The following WDR59 variants were observed in gnomAD, a reference collection of about 807,000 sequenced individuals.
WDR59 encodes WD repeat domain 59, also known as GATOR2 complex protein WDR59.
A neutral mutation model predicts 131.2 loss-of-function variants in WDR59; 100 were observed. The ratio of observed to expected loss-of-function variants is 0.76; its 90% confidence interval spans 0.65 to 0.90. The LOEUF (loss-of-function observed/expected upper bound fraction) is 0.90, where lower values mean the gene tolerates loss of function less well. Ranked by LOEUF, WDR59 falls within the 40% of genes least tolerant of loss-of-function variation. WDR59 has a pLI of 0.00. For missense variants in WDR59, 1,203 were observed against 1,262.2 expected (o/e 0.95, Z 0.71); for synonymous variants, 601 against 466.2 (o/e 1.29, Z -3.72).
chr16:74,925,132 A>G (rs1008928084), intron 8 of WDR59, among the ~76,000 whole-genome samples: 22 of 152,242 alleles, frequency 1.4e-4, no homozygotes, highest in African/African-American at 5.3e-4. Flanking sequence ...TGGCATATAC[A>G]TAAGTGGAAT....
intron 1 of WDR59, among the ~76,000 whole-genome samples, chr16:74,980,763 G>A (rs970970339): frequency 6.6e-6 from 1 of 151,530 alleles, no homozygotes; most frequent in Admixed American, 6.6e-5. Context: ...CTTCAGGTAA[G>A]GAGTTCAAGA....
chr16:74,923,040 A>C (rs2030404417), intron 9 of WDR59, among the ~76,000 whole-genome samples: 1 of 152,076 alleles, frequency 6.6e-6, no homozygotes, highest in African/African-American at 2.4e-5. Context: ...CAGCCTACCC[A>C]CTCTATTTGT....
At chr16:74,883,019 G>C (rs1380548973) in intron 25 of WDR59, among the ~76,000 whole-genome samples, 2 of 130,676 alleles carry the variant, frequency 1.5e-5, no homozygotes, top group African/African-American at 2.9e-5. Flanking sequence ...TTTGTTTTTT[G>C]CTTTTTTTTT....
chr16:74,878,790 G>C (rs1245923223), intron 25 of WDR59, among the ~76,000 whole-genome samples: 1 of 152,238 alleles, frequency 6.6e-6, no homozygotes, highest in Non-Finnish European at 1.5e-5. Flanking sequence ...AAATATTTTA[G>C]TGTTGGGGAA....
rs1964018925 is a variant in WDR59 at position 74,871,975 on chromosome 16, G to A, written c.*2234C>T. The A allele has an allele frequency of 6.6e-6, 1 of 152,208 alleles. No individual in the cohort carries two copies. The highest frequency in any genetic ancestry group is 6.5e-5 in the Admixed American group (1 of 15,278). 9.4% of individuals were successfully genotyped at this position (152,208 alleles called of 1,614,324 possible). A position where few individuals can be genotyped will look rare whatever the true frequency, so the allele number is the denominator to read the frequency against. On this transcript the variant is annotated 3_prime_UTR_variant, in exon 26 of 26. Transcript: ENST00000262144. ...TTTTGTGCCCAGTAACACAGGGGAC[G>A]AGGTATAAGCTTCATCCAAAACAGT... is the stretch of plus-strand genomic sequence containing the variant.
intron 2 of WDR59, among the ~76,000 whole-genome samples, chr16:74,963,637 G>A (rs1306947455): frequency 1.3e-5 from 2 of 152,142 alleles, no homozygotes; most frequent in African/African-American, 4.8e-5. Context: ...AATGCATGTG[G>A]GGCTTAATAC....
intron 11 of WDR59, 25 bp downstream of exon 11, chr16:74,917,904 C>A (rs1966469926): frequency 6.3e-7 from 1 of 1,597,570 alleles, no homozygotes; most frequent in Non-Finnish European, 8.6e-7. Context: ...AGGTACATTT[C>A]TCCACAATAG....
At chr16:74,960,804 A>G (rs2033527687) in intron 2 of WDR59, among the ~76,000 whole-genome samples, 1 of 150,710 alleles carries the variant, frequency 6.6e-6, no homozygotes, top group Admixed American at 6.6e-5. Context: ...AATAAAAGGG[A>G]GAAAATGATC....
At chr16:74,935,308 A>G (rs964436719) in intron 8 of WDR59, among the ~76,000 whole-genome samples, 3 of 152,146 alleles carry the variant, frequency 2.0e-5, no homozygotes, top group Non-Finnish European at 4.4e-5. Context: ...ATTTTGTGAA[A>G]TAGGCTGCTG....
chr16:74,880,941 G>A (rs916247038), intron 25 of WDR59, among the ~76,000 whole-genome samples: 1 of 152,112 alleles, frequency 6.6e-6, no homozygotes, highest in Admixed American at 6.5e-5. Context: ...TAAATAAGAC[G>A]TTAAATGAAT....
intron 6 of WDR59, among the ~76,000 whole-genome samples, chr16:74,945,184 C>A (rs867630584): frequency 6.6e-6 from 1 of 151,788 alleles, no homozygotes; most frequent in Non-Finnish European, 1.5e-5. Context: ...AACTTAGAAA[C>A]CTATAAATGT....
intron 18 of WDR59, among the ~76,000 whole-genome samples, chr16:74,900,977 T>C (rs973642922): frequency 6.6e-6 from 1 of 152,168 alleles, no homozygotes; most frequent in Non-Finnish European, 1.5e-5. Context: ...TGGGCACCTG[T>C]AATCCCAGCT....
chr16:74,973,454 G>A (rs59192024), intron 1 of WDR59, among the ~76,000 whole-genome samples: 1,530 of 152,174 alleles, frequency 0.01, 31 homozygotes, highest in African/African-American at 0.033. Context: ...GCTCAGCTAA[G>A]TTTTTCATTT....
At chr16:74,962,425 T>C (rs1026857569) in intron 2 of WDR59, among the ~76,000 whole-genome samples, 6 of 152,164 alleles carry the variant, frequency 3.9e-5, no homozygotes, top group Non-Finnish European at 8.8e-5. Flanking sequence ...GAGCATGGAA[T>C]GTTTTGCTAT....
intron 1 of WDR59, among the ~76,000 whole-genome samples, chr16:74,967,606 C>T (rs2033825273): frequency 2.0e-5 from 3 of 152,108 alleles, no homozygotes; most frequent in Admixed American, 1.3e-4. Context: ...TGCCTGTAAT[C>T]CTGGCAATTT....
chr16:74,915,478 G>A (rs1475944377), intron 13 of WDR59: 1 of 157,038 alleles, frequency 6.4e-6, no homozygotes, highest in Non-Finnish European at 1.4e-5. Context: ...CACCCAGGCT[G>A]GAGGACAGTG....
chr16:74,922,118 G>A lies in WDR59; in HGVS notation c.730-15C>T, dbSNP rs552795376. ...TTGCTGAAAGGCTAAGGCAGGGAAG[G>A]GAAAAGCAGGTGATTAGATTATTTC... On this transcript the variant is annotated splice_polypyrimidine_tract_variant and intron_variant, in intron 9 of 25. Transcript: ENST00000262144. 1 of 1,613,754 alleles carries A rather than the reference G, an allele frequency of 6.2e-7. No individual in the cohort carries two copies. The highest frequency in any genetic ancestry group is 1.3e-5 in the African/African-American group (1 of 75,060).
At chr16:74,981,643 TATATATATATATATA>T (rs1402892641) in intron 1 of WDR59, among the ~76,000 whole-genome samples, 4,111 of 22,574 alleles carry the variant, frequency 0.18, 639 homozygotes, top group Non-Finnish European at 0.2. Context: ...TATATATATA[TATATATATATATATA>T]TATTTTTTTT....
At chr16:74,955,356 C>G (rs1318119916) in intron 3 of WDR59, among the ~76,000 whole-genome samples, 4 of 152,006 alleles carry the variant, frequency 2.6e-5, no homozygotes, top group Admixed American at 2.6e-4. Context: ...ACAGGACAGC[C>G]CCACCACAAA....
Sources: gnomAD v4.1 joint callset for allele counts (sites outside exome capture counted in the v4.1 genomes callset) on GRCh38, gnomAD v4.1.1 for gene constraint, MANE v1.5 for transcripts, NCBI Gene and HGNC (gene_info 2026-07-23, HGNC 2026-07-21) for gene names.